RAB3GAP1: variants seen among roughly 807,000 people sequenced by gnomAD.
RAB3GAP1 encodes the protein RAB3 GTPase activating protein catalytic subunit 1.
Under a neutral mutation model 130.7 loss-of-function variants are expected in RAB3GAP1, and 86 were observed. The ratio of observed to expected loss-of-function variants is 0.66; its 90% CI spans 0.55 to 0.79. The LOEUF is 0.79. RAB3GAP1 is among the 30% of genes least tolerant of loss of function. The pLI is 0.00. For missense variants in RAB3GAP1, 1,029 were observed against 1,169.4 expected, an observed-to-expected ratio of 0.88 and a Z score of 1.75; for synonymous variants, 367 against 401.7, an observed-to-expected ratio of 0.91 and a Z score of 1.03.
At chr2:135,095,348 G>A (rs1363958813) in intron 5 of RAB3GAP1, among the ~76,000 whole-genome samples, 2 of 152,140 alleles carry the variant, frequency 1.3e-5, no homozygotes, top group Non-Finnish European at 2.9e-5. Context: ...GCGCCCGGCC[G>A]CAGGCAGGCT....
At chr2:135,103,001 C>T (rs1181052483) in intron 5 of RAB3GAP1, among the ~76,000 whole-genome samples, 1 of 101,640 alleles carries the variant, frequency 9.8e-6, no homozygotes, top group African/African-American at 5.7e-5. Context: ...TGCGAGACTC[C>T]GTCTGAAAAA....
intron 2 of RAB3GAP1, among the ~76,000 whole-genome samples, chr2:135,057,464 C>T (rs1015577221): frequency 2.0e-5 from 3 of 152,140 alleles, no homozygotes; most frequent in Admixed American, 6.5e-5. Flanking sequence ...TGCAGTGGCG[C>T]GATGTCCGCT....
intron 3 of RAB3GAP1, among the ~76,000 whole-genome samples, chr2:135,063,466 A>G (rs1183129609): frequency 6.6e-6 from 1 of 152,120 alleles, no homozygotes; most frequent in Non-Finnish European, 1.5e-5. Flanking sequence ...CCCATTAAAC[A>G]AGAACTCTTT....
At chr2:135,086,777 G>T (rs1195647230) in intron 3 of RAB3GAP1, among the ~76,000 whole-genome samples, 1 of 145,316 alleles carries the variant, frequency 6.9e-6, no homozygotes, top group African/African-American at 2.6e-5. Context: ...GGTCTCAAGT[G>T]ATCCTCCTGC....
chr2:135,153,966 C>T (rs1456832361), intron 19 of RAB3GAP1, 90 bp downstream of exon 19: 2 of 1,227,646 alleles, frequency 1.6e-6, no homozygotes, highest in African/African-American at 3.0e-5. Flanking sequence ...GAGTTTTGGA[C>T]ACACTTGAGG....
In RAB3GAP1 at chr2:135,135,802, A is replaced by C. The variant is rs10445686; in HGVS notation, c.1793A>C (p.Asn598Thr). ...AGTGATACTGAAGAACTTAAAGGAA[A>C]TGGACAAGAGAGTGGCAAGAAAGGA... ...CLSDTEELKG[N>T]GQESGKKGGP... Residue 598 changes from asparagine to threonine, a missense_variant, in exon 17 of 24, where the codon AAT (asparagine) becomes ACT (threonine). By Grantham distance (65) the Asn-to-Thr change is moderately conservative. Transcript: ENST00000264158. The C allele has an allele frequency of 3.1e-6, 5 of 1,613,942 alleles. No homozygotes were observed. Among genetic ancestry groups the C allele is most frequent in the Non-Finnish European group, 1.7e-6 (2 of 1,179,984 alleles).
chr2:135,052,327 T>A lies in RAB3GAP1; in HGVS notation c.18+2T>A. ...CTCAAGATGGCTGCCGACAGTGAGGTGATTTCTTTGCTCCCTACTTAATCC... is the reference window on the plus strand; with the variant it reads ...CTCAAGATGGCTGCCGACAGTGAGGAGATTTCTTTGCTCCCTACTTAATCC... On this transcript the variant is annotated splice_donor_variant, in intron 1 of 23. Transcript: ENST00000264158. LOFTEE classifies it high-confidence loss of function. The A allele has an allele frequency of 6.2e-7, 1 of 1,613,820 alleles. No homozygotes were observed. Among genetic ancestry groups the A allele is most frequent in the Non-Finnish European group, 8.5e-7 (1 of 1,180,010 alleles).
intron 19 of RAB3GAP1, among the ~76,000 whole-genome samples, chr2:135,158,108 T>C (rs1033220956): frequency 9.2e-4 from 140 of 152,206 alleles, no homozygotes; most frequent in African/African-American, 3.2e-3. Context: ...AAAATATGGA[T>C]AGGTATGTGG....
At chr2:135,133,393 G>A (rs1180502573) in intron 14 of RAB3GAP1, among the ~76,000 whole-genome samples, 2 of 152,064 alleles carry the variant, frequency 1.3e-5, no homozygotes. Context: ...AAATTAAGAA[G>A]TTGAAGAATT....
At chr2:135,055,619 A>G (rs1247779317) in intron 2 of RAB3GAP1, among the ~76,000 whole-genome samples, 1 of 151,002 alleles carries the variant, frequency 6.6e-6, no homozygotes, top group East Asian at 2.0e-4. Flanking sequence ...ACAGAACTGC[A>G]GTGAGCTGTG....
chr2:135,115,196 T>A lies in RAB3GAP1; in HGVS notation c.483-20T>A. The stretch of plus-strand genomic sequence containing the variant: ...GTTTAATGAGCTTGTATTCCATTCC[T>A]ATTTAATCATGTCTTGCAGTCAGGT... On this transcript the variant is annotated intron_variant, in intron 6 of 23. Coordinates refer to ENST00000264158, the MANE Select transcript of RAB3GAP1 (RefSeq NM_012233.3). 6.3e-7 allele frequency: 1 copy of A among 1,595,792 alleles called. No homozygotes were observed. The highest frequency in any genetic ancestry group is 8.6e-7 in the Non-Finnish European group (1 of 1,163,514).
chr2:135,152,739 A>G (rs2104981527), intron 18 of RAB3GAP1: 1 of 152,322 alleles, frequency 6.6e-6, no homozygotes, highest in East Asian at 1.9e-4. Flanking sequence ...GTGAGGAGAA[A>G]CTGGTAGTTT....
chr2:135,060,120 T>C (rs1689124699), intron 3 of RAB3GAP1, among the ~76,000 whole-genome samples: 1 of 152,160 alleles, frequency 6.6e-6, no homozygotes, highest in Non-Finnish European at 1.5e-5. Context: ...CATCACTTAA[T>C]GTCAACAATT....
downstream of RAB3GAP1, among the ~76,000 whole-genome samples, chr2:135,174,851 GCCT>G (rs1284020379): frequency 3.9e-5 from 6 of 152,194 alleles, no homozygotes; most frequent in South Asian, 4.1e-4. Flanking sequence ...GGGAGGCCCA[GCCT>G]CCTCTGTGGC....
At chr2:135,106,522 G>A (rs1690625533) in intron 5 of RAB3GAP1, among the ~76,000 whole-genome samples, 1 of 152,168 alleles carries the variant, frequency 6.6e-6, no homozygotes, top group African/African-American at 2.4e-5. Context: ...GGCGGTGCAA[G>A]ATGTGCTTTG....
intron 9 of RAB3GAP1, among the ~76,000 whole-genome samples, chr2:135,124,684 T>A (rs1485873165): frequency 6.6e-6 from 1 of 152,104 alleles, no homozygotes; most frequent in Non-Finnish European, 1.5e-5. Context: ...AAGAAAGACC[T>A]ACACTTGCTT....
chr2:135,089,823 T>G (rs771235117), intron 3 of RAB3GAP1: 1 of 399,336 alleles, frequency 2.5e-6, no homozygotes, highest in Non-Finnish European at 5.0e-6. Context: ...TTCTCAGCAC[T>G]CTTAACACGG....
At chr2:135,073,840 G>A (rs1689546271) in intron 3 of RAB3GAP1, among the ~76,000 whole-genome samples, 1 of 152,204 alleles carries the variant, frequency 6.6e-6, no homozygotes, top group African/African-American at 2.4e-5. Context: ...ACCCAGGGGT[G>A]AGTCTGAGGG....
intron 2 of RAB3GAP1, 108 bp downstream of exon 2, chr2:135,052,593 T>C: frequency 7.6e-7 from 1 of 1,322,590 alleles, no homozygotes; most frequent in South Asian, 1.2e-5. Context: ...GCGGGAACGG[T>C]AATACCGTGG....
Sources: gnomAD v4.1 joint callset for allele counts (sites outside exome capture counted in the v4.1 genomes callset) on GRCh38, gnomAD v4.1.1 for gene constraint, MANE v1.5 for transcripts, NCBI Gene and HGNC (gene_info 2026-07-23, HGNC 2026-07-21) for gene names.